The following RTN4R variants were observed in gnomAD, a reference collection of about 807,000 sequenced individuals.
RTN4R encodes reticulon 4 receptor.
A neutral mutation model predicts 27.7 loss-of-function variants in RTN4R; 4 were observed. That is an observed-to-expected ratio of 0.14 (90% CI 0.07 to 0.33). RTN4R has a LOEUF of 0.33. Among genes scored for constraint, RTN4R ranks in the 10% least tolerant of loss-of-function variants. The pLI, the probability that RTN4R is intolerant of heterozygous loss-of-function variation, is 1.00. For missense variants in RTN4R, 554 were observed against 671.5 expected (o/e 0.83, Z 1.93); for synonymous variants, 290 against 305.6 (o/e 0.95, Z 0.53).
rs768923767 is a variant in RTN4R at position 20,242,168 on chromosome 22, C to A, written c.965G>T (p.Gly322Val). 1 of 1,611,620 alleles carries A rather than the reference C, an allele frequency of 6.2e-7. No individual in the cohort carries two copies. Among genetic ancestry groups the A allele is most frequent in the South Asian group, 1.1e-5 (1 of 90,938 alleles). Residue 322 changes from glycine (G) to valine (V), a missense_variant, in exon 2 of 2, where the codon GGC becomes GTC. By Grantham distance (109) the Gly-to-Val change is moderately radical (BLOSUM62 -3). Around this residue, in one of 2 missense-constraint regions of RTN4R, gnomAD observed 413 missense variants for 542.3 expected, o/e 0.76. Coordinates refer to ENST00000043402, the MANE Select transcript of RTN4R (RefSeq NM_023004.6). ...ATGPYHPIWTGRATDEEPLGL... is the reference protein window; with the variant it reads ...ATGPYHPIWTVRATDEEPLGL... ...CAGCGGCTCCTCATCGGTGGCCCTG[C>A]CGGTCCAGATGGGATGGTAAGGGCC...
intron 1 of RTN4R, among the ~76,000 whole-genome samples, chr22:20,253,809 G>C (rs1391945084): frequency 1.3e-5 from 2 of 151,660 alleles, no homozygotes; most frequent in Admixed American, 6.6e-5. Context: ...CAAAAAGAAA[G>C]AGTGCCTGGA....
chr22:20,250,009 C>A (rs1481018410), intron 1 of RTN4R, among the ~76,000 whole-genome samples: 2 of 152,220 alleles, frequency 1.3e-5, no homozygotes, highest in Non-Finnish European at 2.9e-5. Flanking sequence ...GCCCACGGCA[C>A]ATAAGCAGTG....
At chr22:20,266,411 C>T (rs1285094125) in intron 1 of RTN4R, among the ~76,000 whole-genome samples, 3 of 152,236 alleles carry the variant, frequency 2.0e-5, no homozygotes, top group Non-Finnish European at 1.5e-5. Flanking sequence ...TACACAACAC[C>T]GGAGGTAGGG....
rs770179612 is a variant in RTN4R, at chr22:20,255,904, C to A, written c.22+12167G>T. Among the ~76,000 whole-genome samples the A allele has an allele frequency of 4.3e-4, 66 of 152,356 alleles. No individual in the cohort carries two copies. Among genetic ancestry groups the A allele is most frequent in the South Asian group, 1.7e-3 (8 of 4,832 alleles). ...AGAGCCCCCAATGCGTCTCCACAAC[C>A]AAACCGAGGCACGCACGCAGCGGCG... On this transcript the variant is annotated intron_variant, in intron 1 of 1. Coordinates refer to ENST00000043402, the MANE Select transcript of RTN4R (RefSeq NM_023004.6). The surrounding 1 kb of genome is among the most constrained non-coding windows in gnomAD (Gnocchi z 4.8).
intron 1 of RTN4R, among the ~76,000 whole-genome samples, chr22:20,244,943 C>T (rs971842824): frequency 1.3e-5 from 2 of 152,198 alleles, no homozygotes; most frequent in African/African-American, 4.8e-5. Context: ...ACGCCCGCCA[C>T]ATTACCACTG....
intron 1 of RTN4R, among the ~76,000 whole-genome samples, chr22:20,250,855 G>GCACACACACACACACACACATACATGCA (rs35094087): frequency 6.7e-6 from 1 of 150,320 alleles, no homozygotes; most frequent in Non-Finnish European, 1.5e-5. Flanking sequence ...ACACATGCAT[G>GCACACACACACACACACACATACATGCA]CACACACACA....
intron 1 of RTN4R, among the ~76,000 whole-genome samples, chr22:20,252,419 T>C (rs780001402): frequency 6.6e-6 from 1 of 152,192 alleles, no homozygotes; most frequent in Non-Finnish European, 1.5e-5. Context: ...AGGTGCAGCC[T>C]TTCCTCATTC....
At chr22:20,267,957 A>T in intron 1 of RTN4R, 114 bp downstream of exon 1, 2 of 553,604 alleles carry the variant, frequency 3.6e-6, no homozygotes, top group East Asian at 5.6e-5. Flanking sequence ...CCGCCCGGCT[A>T]CGCTTCCCTC....
At chr22:20,264,421 C>G (rs1736306254) in intron 1 of RTN4R, among the ~76,000 whole-genome samples, 1 of 152,140 alleles carries the variant, frequency 6.6e-6, no homozygotes, top group African/African-American at 2.4e-5. Flanking sequence ...GGTGGGGCAG[C>G]ATGCCCGCCG....
At chr22:20,243,761 A>ATCTCCTCCCTGGGAGGAGTTC (rs1222978162) in intron 1 of RTN4R, 5 of 318,800 alleles carry the variant, frequency 1.6e-5, no homozygotes, top group Non-Finnish European at 2.6e-5. Flanking sequence ...TCTCTGCTCC[A>ATCTCCTCCCTGGGAGGAGTTC]TCTCCTCCCT....
At chr22:20,260,903 C>T (rs1378351525) in intron 1 of RTN4R, among the ~76,000 whole-genome samples, 1 of 152,114 alleles carries the variant, frequency 6.6e-6, no homozygotes, top group Non-Finnish European at 1.5e-5. Context: ...GGGACTTCTC[C>T]ACATGCACCC....
At chr22:20,264,101 C>T (rs1331747627) in intron 1 of RTN4R, among the ~76,000 whole-genome samples, 1 of 152,210 alleles carries the variant, frequency 6.6e-6, no homozygotes, top group Non-Finnish European at 1.5e-5. Flanking sequence ...GGGAGAGGCA[C>T]GTGACCAGAC....
chr22:20,250,563 T>C (rs989186963), intron 1 of RTN4R, among the ~76,000 whole-genome samples: 1 of 152,156 alleles, frequency 6.6e-6, no homozygotes, highest in Admixed American at 6.5e-5. Context: ...TGAAGTCACA[T>C]AGCCAGGTGA....
chr22:20,246,618 C>T (rs575697199), intron 1 of RTN4R, among the ~76,000 whole-genome samples: 1 of 152,180 alleles, frequency 6.6e-6, no homozygotes, highest in Non-Finnish European at 1.5e-5. Context: ...TGAGCCGAGC[C>T]GAGCAGGGAT....
At chr22:20,266,974 T>C (rs2051281257) in intron 1 of RTN4R, among the ~76,000 whole-genome samples, 1 of 152,262 alleles carries the variant, frequency 6.6e-6, no homozygotes, top group Admixed American at 6.5e-5. Flanking sequence ...TCTGTGGGCC[T>C]GGCCTCCCCA....
rs374620973 is a variant in RTN4R at position 20,242,350 on chromosome 22, G to C, written c.783C>G (p.Pro261=). 2.8e-5 allele frequency: 45 copies of C among 1,612,502 alleles called. No homozygotes were observed. In the South Asian group the frequency reaches 4.6e-4, roughly 17 times the overall value. ...ALQYLRLNDN[P]WVCDCRARPL... is the part of the protein sequence containing the mutation. Reference sequence around the variant, plus strand: ...GGCGTGCCCGGCAGTCACACACCCAGGGGTTGTCGTTGAGCCTCAGGTACT... The same window carrying C: ...GGCGTGCCCGGCAGTCACACACCCACGGGTTGTCGTTGAGCCTCAGGTACT... Residue 261 remains proline (P), a synonymous_variant, in exon 2 of 2, where the codon CCC becomes CCG. Transcript: ENST00000043402.
intron 1 of RTN4R, among the ~76,000 whole-genome samples, chr22:20,244,839 A>G (rs1443608343): frequency 1.3e-5 from 2 of 152,002 alleles, no homozygotes; most frequent in Non-Finnish European, 2.9e-5. Flanking sequence ...CGACCACACC[A>G]CACCACTGAC....
chr22:20,242,590 T>C lies in RTN4R; in HGVS notation c.543A>G (p.Thr181=), dbSNP rs1452295510. The C allele has an allele frequency of 6.2e-7, 1 of 1,602,094 alleles. No individual in the cohort carries two copies. Among genetic ancestry groups the C allele is most frequent in the Non-Finnish European group, 8.5e-7 (1 of 1,176,198 alleles). Residue 181 remains threonine, a synonymous_variant, in exon 2 of 2, where the codon ACA becomes ACG. Transcript: ENST00000043402. ...DDTFRDLGNL[T]HLFLHGNRIS... is the part of the protein sequence containing the mutation. ...TGCGGTTGCCGTGCAGGAAGAGGTGTGTGAGGTTGCCCAGGTCGCGGAAGG... is the reference window on the plus strand; with the variant it reads ...TGCGGTTGCCGTGCAGGAAGAGGTGCGTGAGGTTGCCCAGGTCGCGGAAGG...
intron 1 of RTN4R, among the ~76,000 whole-genome samples, chr22:20,252,125 T>A (rs895807189): frequency 6.6e-6 from 1 of 151,882 alleles, no homozygotes; most frequent in Admixed American, 6.6e-5. Flanking sequence ...AGCATCCTCA[T>A]CACTATCATC....
Sources: gnomAD v4.1 joint callset for allele counts (sites outside exome capture counted in the v4.1 genomes callset) on GRCh38, gnomAD v4.1.1 for gene constraint, gnomAD v4.1.1 regional missense constraint, Gnocchi (gnomAD v3.1) non-coding constraint, MANE v1.5 for transcripts, NCBI Gene and HGNC (gene_info 2026-07-23, HGNC 2026-07-21) for gene names.